The following UBE2G2 variants were observed in gnomAD, a reference collection of about 807,000 sequenced individuals.
UBE2G2 encodes the protein ubiquitin-conjugating enzyme E2 G2.
A neutral mutation model predicts 23.0 loss-of-function variants in UBE2G2; 10 were observed. The ratio of observed to expected loss-of-function variants is 0.43; its 90% CI spans 0.27 to 0.74. UBE2G2 has a LOEUF of 0.74. UBE2G2 is among the 30% of genes least tolerant of loss of function. UBE2G2 has a pLI of 0.19. For synonymous variants in UBE2G2, 86 were observed against 81.3 expected (o/e 1.06, Z -0.31); for missense variants, 150 against 218.3 (o/e 0.69, Z 1.97).
intron 4 of UBE2G2, chr21:44,773,926 C>T (rs1378220391): frequency 1.2e-5 from 5 of 425,994 alleles, no homozygotes; most frequent in Admixed American, 8.5e-5. Flanking sequence ...AATCAGCTGT[C>T]GTAGTCTAAT....
At position 44,773,846 on chromosome 21, in the gene UBE2G2, T is replaced by TGCAAA. The variant is rs1569292865; in HGVS notation, c.245-160_245-159insTTTGC. 4.7e-5 allele frequency: 47 copies of TGCAAA among 1,010,198 alleles called. No individual in the cohort carries two copies. In the Admixed American group the frequency reaches 1.2e-3, roughly 26 times the overall value. The allele number at this position is 1,010,198 out of a possible 1,614,324, so 62.6% of individuals were successfully genotyped here. A position where few individuals can be genotyped will look rare whatever the true frequency, so the allele number is the denominator to read the frequency against. ...AGCCTGGGGCCCTGAGTGTCACGCT[T>TGCAAA]CATGTCTGCAGGAATCCCGGTGGGG... On this transcript the variant is annotated intron_variant, in intron 4 of 5. Coordinates refer to ENST00000345496, the MANE Select transcript of UBE2G2 (RefSeq NM_003343.6).
chr21:44,794,889 C>G (rs2083073975), intron 1 of UBE2G2, among the ~76,000 whole-genome samples: 1 of 152,194 alleles, frequency 6.6e-6, no homozygotes, highest in African/African-American at 2.4e-5. Context: ...AGACTCAAGT[C>G]ACTTTATCTA....
At chr21:44,792,572 G>A (rs1344069695) in intron 1 of UBE2G2, among the ~76,000 whole-genome samples, 1 of 152,094 alleles carries the variant, frequency 6.6e-6, no homozygotes, top group Non-Finnish European at 1.5e-5. Flanking sequence ...GTTTCCTGAG[G>A]CCTCGTCAGT....
intron 3 of UBE2G2, among the ~76,000 whole-genome samples, chr21:44,785,252 C>T (rs544043849): frequency 3.9e-4 from 59 of 152,352 alleles, no homozygotes; most frequent in Non-Finnish European, 6.9e-4. Context: ...CCCAGCCACG[C>T]TCGATTTGAT....
intron 1 of UBE2G2, among the ~76,000 whole-genome samples, chr21:44,796,236 TC>T (rs1398952103): frequency 1.3e-5 from 2 of 152,238 alleles, no homozygotes; most frequent in African/African-American, 4.8e-5. Flanking sequence ...TCTCCTTTTT[TC>T]CTGTTTATGA....
chr21:44,784,392 G>A (rs1293744065), intron 3 of UBE2G2, among the ~76,000 whole-genome samples: 1 of 150,944 alleles, frequency 6.6e-6, no homozygotes, highest in Non-Finnish European at 1.5e-5. Flanking sequence ...AAATTATGTG[G>A]AACAGTGATG....
chr21:44,788,164 C>T lies in UBE2G2; in HGVS notation c.44-69G>A, dbSNP rs561282141. On this transcript the variant is annotated intron_variant, in intron 1 of 5. Transcript: ENST00000345496. ...TTACATTGTCATTTTAACAAAACAC[C>T]TTTACAAAATATATAAGCCTATAAA... The T allele has an allele frequency of 7.0e-6, 10 of 1,434,984 alleles. No homozygotes were observed. In the Admixed American group the frequency reaches 1.5e-4, roughly 22 times the overall value. 88.9% of individuals were successfully genotyped at this position (1,434,984 alleles called of 1,614,324 possible). A position where few individuals can be genotyped will look rare whatever the true frequency, so the allele number is the denominator to read the frequency against.
Position 44,773,653 on chromosome 21 carries a change from G to A in UBE2G2, c.279C>T (p.Leu93=). Residue 93 remains leucine, a synonymous_variant, in exon 5 of 6, where the codon CTC becomes CTT. Coordinates refer to ENST00000345496, the MANE Select transcript of UBE2G2 (RefSeq NM_003343.6). The stretch of plus-strand genomic sequence containing the variant: ...CCATGGGGTCATCGCCTGGCGCGTG[G>A]AGGATGGAAATGCAGACTCTCCCAT... ...YPDGRVCISI[L]HAPGDDPMGY... 1 of 1,612,826 alleles carries A rather than the reference G, an allele frequency of 6.2e-7. No individual in the cohort carries two copies. The highest frequency in any genetic ancestry group is 1.3e-5 in the African/African-American group (1 of 75,070).
At position 44,793,619 on chromosome 21, in the gene UBE2G2, TA is replaced by T. The variant is rs550954344; in HGVS notation, c.44-5525del. Among the ~76,000 whole-genome samples the T allele has an allele frequency of 2.6e-3, 397 of 151,882 alleles. 6 individuals carry two copies. The highest frequency in any genetic ancestry group is 8.5e-3 in the African/African-American group (350 of 41,338). On this transcript the variant is annotated intron_variant, in intron 1 of 5. Coordinates refer to ENST00000345496, the MANE Select transcript of UBE2G2 (RefSeq NM_003343.6). ...AAAGCATATACACGCGTACACAAAA[TA>T]ATATACAGTTTCATGTTTACTGATA...
intron 1 of UBE2G2, among the ~76,000 whole-genome samples, chr21:44,799,653 A>T (rs1042389444): frequency 6.6e-6 from 1 of 152,214 alleles, no homozygotes; most frequent in Non-Finnish European, 1.5e-5. Context: ...TTGATCTTCT[A>T]TCCAAACCAC....
intron 4 of UBE2G2, 99 bp downstream of exon 4, chr21:44,777,200 A>T: frequency 1.0e-6 from 1 of 1,004,790 alleles, no homozygotes; most frequent in Non-Finnish European, 1.5e-6. Flanking sequence ...CTAAAGATCT[A>T]CATCATAGAC....
intron 3 of UBE2G2, among the ~76,000 whole-genome samples, chr21:44,783,438 T>C (rs1430882482): frequency 2.0e-5 from 3 of 152,240 alleles, no homozygotes; most frequent in African/African-American, 7.2e-5. Context: ...ATGAACTCCA[T>C]GTCCACACAG....
chr21:44,786,225 C>T (rs1179586689), intron 3 of UBE2G2, among the ~76,000 whole-genome samples: 1 of 152,202 alleles, frequency 6.6e-6, no homozygotes, highest in Non-Finnish European at 1.5e-5. Context: ...AAGCAGGTTA[C>T]ACATCAGTTC....
chr21:44,773,400 T>C, intron 5 of UBE2G2, 147 bp downstream of exon 5: 1 of 1,055,672 alleles, frequency 9.5e-7, no homozygotes, highest in Non-Finnish European at 1.3e-6. Context: ...TGGAAAAGTG[T>C]AGGCAGATAA....
In UBE2G2 at chr21:44,777,466, C is replaced by T. The variant is rs574688129; in HGVS notation, c.126-49G>A. The stretch of plus-strand genomic sequence containing the variant: ...CTGAACTTCAAAGTACATTTTTCAA[C>T]GTCGACCACAATTGACAAATGGGTT... On this transcript the variant is annotated intron_variant, in intron 3 of 5. Coordinates refer to ENST00000345496, the MANE Select transcript of UBE2G2 (RefSeq NM_003343.6). The T allele has an allele frequency of 5.0e-5, 79 of 1,564,508 alleles. 1 individual carries two copies. The highest frequency in any genetic ancestry group is 6.9e-5 in the Non-Finnish European group (78 of 1,135,984).
chr21:44,773,892 C>T, intron 4 of UBE2G2: 2 of 625,752 alleles, frequency 3.2e-6, no homozygotes, highest in Non-Finnish European at 5.1e-6. Context: ...CACTGACAGG[C>T]TCCAGGCTGA....
At chr21:44,794,492 T>C (rs1555963361) in intron 1 of UBE2G2, among the ~76,000 whole-genome samples, 1 of 151,908 alleles carries the variant, frequency 6.6e-6, no homozygotes, top group Non-Finnish European at 1.5e-5. Context: ...ATTTTAAAAG[T>C]CAATAATTGA....
At chr21:44,780,091 A>AT (rs1347893747) in intron 3 of UBE2G2, among the ~76,000 whole-genome samples, 1 of 152,120 alleles carries the variant, frequency 6.6e-6, no homozygotes, top group East Asian at 1.9e-4. Flanking sequence ...TTTAAAAAAA[A>AT]TTTTTTTTAA....
chr21:44,774,720 C>T (rs1450853758), intron 4 of UBE2G2: 1 of 456,266 alleles, frequency 2.2e-6, no homozygotes, highest in Admixed American at 2.4e-5. Context: ...TGCATACTTG[C>T]CCTGGACATC....
Sources: allele counts gnomAD v4.1 joint callset (sites outside exome capture counted in the v4.1 genomes callset), GRCh38; gene constraint gnomAD v4.1.1; transcripts MANE v1.5; gene names NCBI Gene and HGNC (gene_info 2026-07-23, HGNC 2026-07-21).